ADGRL2: variants seen among roughly 807,000 people sequenced by gnomAD.
ADGRL2 encodes adhesion G protein-coupled receptor L2.
In ADGRL2, 44 loss-of-function variants were observed where a neutral mutation model predicts 157.4. That is an observed-to-expected ratio of 0.28 (90% CI 0.22 to 0.36). The LOEUF (loss-of-function observed/expected upper bound fraction) is 0.36, where lower values mean the gene tolerates loss of function less well. ADGRL2 is among the 10% of genes least tolerant of loss of function. The pLI, the probability that ADGRL2 is intolerant of heterozygous loss-of-function variation, is 1.00. For missense variants in ADGRL2, 1,510 were observed against 1,768.9 expected (o/e 0.85, Z 2.63); for synonymous variants, 585 against 624.7 (o/e 0.94, Z 0.95).
intron 2 of ADGRL2, among the ~76,000 whole-genome samples, chr1:81,531,856 A>G (rs1248254749): frequency 6.6e-6 from 1 of 152,140 alleles, no homozygotes; most frequent in Non-Finnish European, 1.5e-5. Context: ...CACTTGCATA[A>G]GCCCCTAAAT....
At chr1:81,853,404 C>T (rs1473497458) in intron 2 of ADGRL2, among the ~76,000 whole-genome samples, 1 of 152,062 alleles carries the variant, frequency 6.6e-6, no homozygotes, top group Non-Finnish European at 1.5e-5. Context: ...ACTGAAAACA[C>T]CTATATCCAT....
At chr1:81,839,789 A>T (rs907621864) in intron 2 of ADGRL2, among the ~76,000 whole-genome samples, 13 of 143,124 alleles carry the variant, frequency 9.1e-5, no homozygotes, top group African/African-American at 3.4e-4. Flanking sequence ...ATTTTCCATC[A>T]TATATATATA....
intron 3 of ADGRL2, among the ~76,000 whole-genome samples, chr1:81,598,659 A>C (rs1159135784): frequency 6.6e-6 from 1 of 152,212 alleles, no homozygotes; most frequent in African/African-American, 2.4e-5. Context: ...TATATTGCAG[A>C]AAATTATGAC....
intron 2 of ADGRL2, among the ~76,000 whole-genome samples, chr1:81,486,764 A>G (rs1263385539): frequency 6.6e-6 from 1 of 152,136 alleles, no homozygotes; most frequent in African/African-American, 2.4e-5. Context: ...AAGTTAGAAA[A>G]CCTACCTCAA....
At chr1:81,898,209 A>G (rs2094428187) in intron 2 of ADGRL2, among the ~76,000 whole-genome samples, 1 of 152,188 alleles carries the variant, frequency 6.6e-6, no homozygotes, top group African/African-American at 2.4e-5. Context: ...TAGTTATATG[A>G]TCTTAAATTG....
intron 1 of ADGRL2, among the ~76,000 whole-genome samples, chr1:81,321,503 G>A (rs1398080007): frequency 6.6e-6 from 1 of 152,052 alleles, no homozygotes; most frequent in Non-Finnish European, 1.5e-5. Context: ...TTCACGTAGA[G>A]GCCATTGTAT....
intron 1 of ADGRL2, among the ~76,000 whole-genome samples, chr1:81,429,798 C>A (rs899674837): frequency 1.3e-5 from 2 of 152,128 alleles, no homozygotes; most frequent in Non-Finnish European, 2.9e-5. Flanking sequence ...GGCAACGTTT[C>A]GGGTAATGGA....
chr1:81,718,688 C>T (rs539521433), intron 1 of ADGRL2, among the ~76,000 whole-genome samples: 1 of 152,338 alleles, frequency 6.6e-6, no homozygotes, highest in South Asian at 2.1e-4. Context: ...ACTGCATAGT[C>T]AGCTTCGCCT....
chr1:81,771,901 G>T lies in ADGRL2; in HGVS notation c.-101+10049G>T, dbSNP rs144810557. 4.6e-5 allele frequency among the ~76,000 whole-genome samples: 7 copies of T among 152,040 alleles called. No individual in the cohort carries two copies. In the East Asian group the frequency reaches 1.4e-3, roughly 29 times the overall value. ...TTTGGAATTCTTTCATCCTTTTTTT[G>T]CCCTTTTGCTTTTTTATTCTCAATC... On this transcript the variant is annotated intron_variant, in intron 2 of 20. Coordinates refer to the ADGRL2 transcript ENST00000359929.
chr1:81,958,598 C>A (rs917867899), intron 11 of ADGRL2, among the ~76,000 whole-genome samples: 1 of 152,100 alleles, frequency 6.6e-6, no homozygotes, highest in South Asian at 2.1e-4. Flanking sequence ...ATAATTTTAT[C>A]TATTATAATT....
At chr1:81,874,110 G>GT (rs2093768351) in intron 2 of ADGRL2, among the ~76,000 whole-genome samples, 1 of 152,054 alleles carries the variant, frequency 6.6e-6, no homozygotes, top group South Asian at 2.1e-4. Flanking sequence ...TTTTGGTTGG[G>GT]TAGCTACTCC....
intron 1 of ADGRL2, among the ~76,000 whole-genome samples, chr1:81,750,419 T>C (rs1158411431): frequency 6.6e-6 from 1 of 152,020 alleles, no homozygotes; most frequent in Non-Finnish European, 1.5e-5. Flanking sequence ...GTTACAAATA[T>C]TAAGAGAGAG....
intron 12 of ADGRL2, 54 bp from the exon 13 acceptor site, chr1:81,966,350 G>C (rs1572410818): frequency 6.4e-7 from 1 of 1,557,122 alleles, no homozygotes; most frequent in Non-Finnish European, 8.8e-7. Flanking sequence ...TTTTATCTTA[G>C]TTTATTAACA....
At position 81,865,082 on chromosome 1, in the gene ADGRL2, C is replaced by T. The variant is rs1272284006; in HGVS notation, c.73+28025C>T. Among the ~76,000 whole-genome samples, 6 of 152,164 alleles carry T rather than the reference C, an allele frequency of 3.9e-5. No homozygotes were observed. In the East Asian group the frequency reaches 9.6e-4, roughly 24 times the overall value. On this transcript the variant is annotated intron_variant, in intron 2 of 23. Transcript: ENST00000686636. ...TTGTCTGTGTATTTTGATGTCTCTGCCCTTTTTCTCTATTTACTATTTAAA... is the reference window on the plus strand; with the variant it reads ...TTGTCTGTGTATTTTGATGTCTCTGTCCTTTTTCTCTATTTACTATTTAAA...
Position 81,925,053 on chromosome 1 carries a change from T to A in ADGRL2, c.288-11675T>A, listed in dbSNP as rs561832084. ...ATATAATTTGACCATGAGGGTATACTCTCTATAAGTAGATGATAAAGTGAA... is the reference window on the plus strand; with the variant it reads ...ATATAATTTGACCATGAGGGTATACACTCTATAAGTAGATGATAAAGTGAA... On this transcript the variant is annotated intron_variant, in intron 3 of 23. Coordinates refer to ENST00000686636, the MANE Select transcript of ADGRL2 (RefSeq NM_001366006.2). Among the ~76,000 whole-genome samples the A allele has an allele frequency of 1.1e-4, 16 of 152,214 alleles. No homozygotes were observed. The East Asian group carries it at 3.1e-3, about 29-fold the overall frequency.
intron 1 of ADGRL2, among the ~76,000 whole-genome samples, chr1:81,702,901 C>T (rs1222128392): frequency 6.6e-6 from 1 of 152,084 alleles, no homozygotes; most frequent in Non-Finnish European, 1.5e-5. Flanking sequence ...AAAGATAATA[C>T]ATTTGTAAAG....
intron 2 of ADGRL2, among the ~76,000 whole-genome samples, chr1:81,559,305 G>A (rs2080386197): frequency 6.6e-6 from 1 of 152,106 alleles, no homozygotes; most frequent in Admixed American, 6.6e-5. Flanking sequence ...ATCTTGGTGA[G>A]AGAAACAAGC....
At chr1:81,811,285 A>G (rs1476026166) in intron 1 of ADGRL2, among the ~76,000 whole-genome samples, 4 of 151,756 alleles carry the variant, frequency 2.6e-5, no homozygotes, top group Admixed American at 1.3e-4. Flanking sequence ...CCTTTGTTCA[A>G]TAAGAACCTT....
intron 2 of ADGRL2, among the ~76,000 whole-genome samples, chr1:81,555,467 C>G (rs2080252274): frequency 2.6e-5 from 4 of 151,950 alleles, no homozygotes; most frequent in Admixed American, 2.6e-4. Flanking sequence ...TGGTGTTTCA[C>G]CATATTGGCC....
Sources: gnomAD v4.1 joint callset for allele counts (sites outside exome capture counted in the v4.1 genomes callset) on GRCh38, gnomAD v4.1.1 for gene constraint, MANE v1.5 for transcripts, NCBI Gene and HGNC (gene_info 2026-07-23, HGNC 2026-07-21) for gene names.